The following TUBB6 variants were observed in gnomAD, a reference collection of about 807,000 sequenced individuals.
TUBB6 encodes the protein tubulin beta-6 chain.
In TUBB6, 18 loss-of-function variants were observed where a neutral mutation model predicts 32.3. The observed-to-expected ratio is 0.56, with a 90% confidence interval of 0.39 to 0.83. TUBB6 has a LOEUF of 0.83. Ranked by LOEUF, TUBB6 falls within the 40% of genes least tolerant of loss-of-function variation. The pLI is 0.00. For missense variants in TUBB6, 480 were observed against 632.0 expected (o/e 0.76, Z 2.58); for synonymous variants, 280 against 265.8 (o/e 1.05, Z -0.52).
downstream of TUBB6, among the ~76,000 whole-genome samples, chr18:12,327,075 A>G (rs1907363308): frequency 6.6e-6 from 1 of 152,234 alleles, no homozygotes. Context: ...TGCCTGGTAC[A>G]GACCTCACTG....
intron 3 of TUBB6, among the ~76,000 whole-genome samples, chr18:12,319,292 T>C (rs7505677): frequency 1 from 151,712 of 151,872 alleles, 75,776 homozygotes; most frequent in Middle Eastern, 1. Context: ...TACAGGCACC[T>C]GCCACCACAC....
intron 3 of TUBB6, among the ~76,000 whole-genome samples, chr18:12,321,107 G>A (rs1259305008): frequency 6.6e-6 from 1 of 152,132 alleles, no homozygotes; most frequent in Non-Finnish European, 1.5e-5. Context: ...CCTTTCCTGT[G>A]AGCTGTATGT....
chr18:12,329,744 T>C, downstream of TUBB6: 1 of 1,614,220 alleles, frequency 6.2e-7, no homozygotes, highest in Non-Finnish European at 8.5e-7. Context: ...ACCATATCAT[T>C]CTTATCTAAT....
At chr18:12,327,668 C>A (rs973054252), downstream of TUBB6, among the ~76,000 whole-genome samples, 2 of 152,230 alleles carry the variant, frequency 1.3e-5, no homozygotes, top group Non-Finnish European at 2.9e-5. Context: ...GCACAGGGAG[C>A]CACGGTTGCT....
At chr18:12,313,065 T>C (rs1323408913) in intron 3 of TUBB6, among the ~76,000 whole-genome samples, 6 of 149,688 alleles carry the variant, frequency 4.0e-5, no homozygotes, top group Non-Finnish European at 8.9e-5. Context: ...AAAAAACTTC[T>C]ATGTAAGCTG....
chr18:12,327,629 T>C (rs1173531957), downstream of TUBB6, among the ~76,000 whole-genome samples: 3 of 152,210 alleles, frequency 2.0e-5, no homozygotes, highest in African/African-American at 7.2e-5. Flanking sequence ...TGGAAAGATC[T>C]ATGCATGAGC....
At position 12,311,104 on chromosome 18, in the gene TUBB6, AAAT is replaced by A. The variant is rs776542444; in HGVS notation, c.277+53_277+55del. 5.0e-5 allele frequency: 72 copies of A among 1,444,724 alleles called. No homozygotes were observed. In the Admixed American group the frequency reaches 7.3e-4, roughly 15 times the overall value. 89.5% of individuals were successfully genotyped at this position (1,444,724 alleles called of 1,614,324 possible). A position where few individuals can be genotyped will look rare whatever the true frequency, so the allele number is the denominator to read the frequency against. On this transcript the variant is annotated intron_variant, in intron 3 of 3. Coordinates refer to ENST00000317702, the MANE Select transcript of TUBB6 (RefSeq NM_032525.3). ...TCTTCTTCTTTTATTTTTTTAAATCAAATATTTTATATGCCAGATTTAAAGCAT... is the reference window on the plus strand; with the variant it reads ...TCTTCTTCTTTTATTTTTTTAAATCAATTTTATATGCCAGATTTAAAGCAT...
intron 3 of TUBB6, among the ~76,000 whole-genome samples, chr18:12,315,020 T>G (rs1434807834): frequency 1.3e-5 from 2 of 152,116 alleles, no homozygotes; most frequent in Admixed American, 1.3e-4. Flanking sequence ...AAAACTAGAG[T>G]TAAAAAAAAA....
Position 12,325,905 on chromosome 18 carries a change from G to C in TUBB6, c.1116G>C (p.Thr372=). 6.2e-7 allele frequency: 1 copy of C among 1,614,084 alleles called. No individual in the cohort carries two copies. Among genetic ancestry groups the C allele is most frequent in the Non-Finnish European group, 8.5e-7 (1 of 1,180,048 alleles). ...KMASTFIGNS[T]AIQELFKRIS... ...CCTCCACCTTCATCGGCAACAGCAC[G>C]GCCATCCAGGAGCTGTTCAAGCGCA... Residue 372 remains threonine (T), a synonymous_variant, in exon 4 of 4, where the codon ACG becomes ACC. Transcript: ENST00000317702.
intron 3 of TUBB6, among the ~76,000 whole-genome samples, chr18:12,313,272 G>T (rs1043922440): frequency 6.6e-6 from 1 of 152,214 alleles, no homozygotes; most frequent in Non-Finnish European, 1.5e-5. Context: ...TGCAAATCAT[G>T]TAAAGGAAAA....
chr18:12,328,801 T>C (rs140806062), downstream of TUBB6: 6 of 267,274 alleles, frequency 2.2e-5, no homozygotes, highest in South Asian at 4.8e-5. Context: ...CACATAACTC[T>C]AGAAGGTTCC....
At chr18:12,313,266 A>G (rs1370771553) in intron 3 of TUBB6, among the ~76,000 whole-genome samples, 1 of 152,228 alleles carries the variant, frequency 6.6e-6, no homozygotes, top group Non-Finnish European at 1.5e-5. Flanking sequence ...AAAAAATGCA[A>G]ATCATGTAAA....
intron 3 of TUBB6, 139 bp from the exon 4 acceptor site, chr18:12,324,928 T>C: frequency 6.7e-7 from 1 of 1,492,848 alleles, no homozygotes; most frequent in Non-Finnish European, 8.9e-7. Flanking sequence ...GCACCGTTGG[T>C]GGGTGCCTGT....
intron 3 of TUBB6, 96 bp from the exon 4 acceptor site, chr18:12,324,971 T>C: frequency 6.6e-7 from 1 of 1,510,886 alleles, no homozygotes. Context: ...TAACAGCACA[T>C]CATGGAATCA....
chr18:12,308,864 C>A, intron 2 of TUBB6, 69 bp downstream of exon 2: 1 of 1,062,746 alleles, frequency 9.4e-7, no homozygotes, highest in Non-Finnish European at 1.5e-6. Context: ...CGCCTCTTAG[C>A]GCGGCGAGTT....
Position 12,326,113 on chromosome 18 carries a change from G to GAGGA in TUBB6, c.1325_1328dup (p.Ile444GlyfsTer23), listed in dbSNP as rs1907311147. 3 of 1,613,158 alleles carry GAGGA rather than the reference G, an allele frequency of 1.9e-6. No individual in the cohort carries two copies. The highest frequency in any genetic ancestry group is 2.5e-6 in the Non-Finnish European group (3 of 1,179,420). On this transcript the variant is annotated frameshift_variant, in exon 4 of 4. Transcript: ENST00000317702. LOFTEE classifies it high-confidence loss of function. ...GGAGGAAGCTTTTGAGGATGAGGAAGAGGAGATCGATGGATAGTCGGAATA... is the reference window on the plus strand; with the variant it reads ...GGAGGAAGCTTTTGAGGATGAGGAAGAGGAAGGAGATCGATGGATAGTCGGAATA...
downstream of TUBB6, among the ~76,000 whole-genome samples, chr18:12,327,506 G>A (rs1329542951): frequency 6.6e-6 from 1 of 152,232 alleles, no homozygotes; most frequent in African/African-American, 2.4e-5. Flanking sequence ...AGCATGGCTT[G>A]AGGTGATCAC....
chr18:12,329,292 CG>C, downstream of TUBB6: 1 of 694,754 alleles, frequency 1.4e-6, no homozygotes, highest in Non-Finnish European at 2.6e-6. Flanking sequence ...GGTCCAGCCT[CG>C]GCCACTCTGG....
intron 3 of TUBB6, among the ~76,000 whole-genome samples, chr18:12,319,815 C>T (rs996799721): frequency 6.6e-6 from 1 of 152,004 alleles, no homozygotes; most frequent in Non-Finnish European, 1.5e-5. Context: ...TTGACGGAGT[C>T]TCACTCTGTC....
Sources: allele counts gnomAD v4.1 joint callset (sites outside exome capture counted in the v4.1 genomes callset), GRCh38; gene constraint gnomAD v4.1.1; transcripts MANE v1.5; gene names NCBI Gene and HGNC (gene_info 2026-07-23, HGNC 2026-07-21).